The following MSL2 variants were observed in gnomAD, a reference collection of about 807,000 sequenced individuals.
The protein encoded by MSL2 is E3 ubiquitin-protein ligase MSL2.
In MSL2, 2 loss-of-function variants were observed where a neutral mutation model predicts 35.8. That is an observed-to-expected ratio of 0.06 (90% CI 0.02 to 0.18). MSL2 has a LOEUF of 0.18. Among genes scored for constraint, MSL2 ranks in the 10% least tolerant of loss-of-function variants. The pLI, the probability that MSL2 is intolerant of heterozygous loss-of-function variation, is 1.00. For synonymous variants in MSL2, 296 were observed against 255.7 expected, an observed-to-expected ratio of 1.16 and a Z score of -1.50; for missense variants, 523 against 706.7, an observed-to-expected ratio of 0.74 and a Z score of 2.95.
At position 136,159,572 on chromosome 3, in the gene MSL2, G is replaced by A. The variant is rs1203625031; in HGVS notation, c.143-6834C>T. On this transcript the variant is annotated intron_variant, in intron 1 of 1. Transcript: ENST00000309993. ...TTTTTAGTAGAGACGAGGTTTCACC[G>A]TGTTAGCCAGGATGGTCTTGATCTC... Among the ~76,000 whole-genome samples, 63 of 148,922 alleles carry A rather than the reference G, an allele frequency of 4.2e-4. 1 individual carries two copies. Among genetic ancestry groups the A allele is most frequent in the Non-Finnish European group, 6.1e-4 (41 of 67,462 alleles).
intron 1 of MSL2, chr3:136,156,129 A>G (rs1939513523): frequency 5.5e-6 from 1 of 183,308 alleles, no homozygotes; most frequent in Non-Finnish European, 1.1e-5. Context: ...TGATACATGT[A>G]ATTCTACCAA....
rs957158556 is a variant in MSL2 at position 136,151,624 on chromosome 3, A to C, written c.1257T>G (p.Ser419=). The change falls in exon 2 of 2, where the codon TCT becomes TCG. Residue 419 remains serine (S), a synonymous_variant. Coordinates refer to ENST00000309993, the MANE Select transcript of MSL2 (RefSeq NM_018133.4). This position sits in a 1 kb window ranked among gnomAD's most constrained non-coding sequence, Gnocchi z 5.2. ...GAATACCTGGCTTGGTTTTAGAGTG[A>C]GATTTCTTGGATCCATGTTCATGAC... ...KKSHEHGSKK[S]HSKTKPGILK... 1.2e-6 allele frequency: 2 copies of C among 1,614,052 alleles called. No homozygotes were observed. Among genetic ancestry groups the C allele is most frequent in the East Asian group, 4.5e-5 (2 of 44,884 alleles).
At position 136,188,131 on chromosome 3, in the gene MSL2, C is replaced by A. The variant is rs117487848; in HGVS notation, c.142+6841G>T. Among the ~76,000 whole-genome samples, 229 of 152,110 alleles carry A rather than the reference C, an allele frequency of 1.5e-3. 5 individuals are homozygous for A. The East Asian group carries it at 0.041, about 27-fold the overall frequency. ...CAAGCCAAAGGTTTTCTCCTTCAGG[C>A]CTTACTTAAAAATGTCCACTAGGCC... On this transcript the variant is annotated intron_variant, in intron 1 of 1. Transcript: ENST00000309993.
intron 1 of MSL2, among the ~76,000 whole-genome samples, chr3:136,189,125 AAAAAAAAAAAAC>A (rs1940609110): frequency 7.1e-6 from 1 of 140,650 alleles, no homozygotes; most frequent in African/African-American, 2.8e-5. Context: ...AAAAAAAAAA[AAAAAAAAAAAAC>A]ACACACACAA....
Position 136,151,897 on chromosome 3 carries a change from A to G in MSL2, c.984T>C (p.Cys328=). 6.2e-7 allele frequency: 1 copy of G among 1,614,194 alleles called. No individual in the cohort carries two copies. ...STSPALHGLS[C]TAATPKIAKL... is the part of the protein sequence containing the mutation. ...TTGCTATCTTCGGAGTTGCTGCTGTACATGATAACCCATGAAGTGCAGGAC... is the reference window on the plus strand; with the variant it reads ...TTGCTATCTTCGGAGTTGCTGCTGTGCATGATAACCCATGAAGTGCAGGAC... Residue 328 remains cysteine (C), a synonymous_variant, in exon 2 of 2, where the codon TGT becomes TGC. Coordinates refer to ENST00000309993, the MANE Select transcript of MSL2 (RefSeq NM_018133.4). This position sits in a 1 kb window ranked among gnomAD's most constrained non-coding sequence, Gnocchi z 5.2.
At chr3:136,194,643 T>A in intron 1 of MSL2, 1 of 258,426 alleles carries the variant, frequency 3.9e-6, no homozygotes, top group Non-Finnish European at 6.7e-6. Context: ...CGTAATCAGC[T>A]CCCGCGGCAA....
intron 1 of MSL2, among the ~76,000 whole-genome samples, chr3:136,160,332 A>AGGG (rs1939667986): frequency 6.6e-5 from 2 of 30,516 alleles, no homozygotes; most frequent in Non-Finnish European, 1.3e-4. Context: ...GGAAGGAGGG[A>AGGG]AGGAAGGAGG....
At chr3:136,171,617 G>A (rs970119374) in intron 1 of MSL2, among the ~76,000 whole-genome samples, 1 of 152,146 alleles carries the variant, frequency 6.6e-6, no homozygotes, top group Non-Finnish European at 1.5e-5. Context: ...CAGTAATTCT[G>A]TAACTGTCCA....
At chr3:136,162,294 G>T (rs1284971809) in intron 1 of MSL2, among the ~76,000 whole-genome samples, 1 of 151,090 alleles carries the variant, frequency 6.6e-6, no homozygotes, top group East Asian at 1.9e-4. Context: ...AAAAAAGAGG[G>T]CTACCAGGCC....
intron 1 of MSL2, among the ~76,000 whole-genome samples, chr3:136,165,675 T>C (rs910990517): frequency 2.0e-5 from 3 of 152,198 alleles, no homozygotes; most frequent in Non-Finnish European, 2.9e-5. Flanking sequence ...ATAATTCTTA[T>C]GCCACATTTA....
chr3:136,192,266 A>C (rs565665639), intron 1 of MSL2, among the ~76,000 whole-genome samples: 1 of 152,284 alleles, frequency 6.6e-6, no homozygotes, highest in Admixed American at 6.5e-5. Flanking sequence ...TCTGCCTCCC[A>C]GGTTCAAGCA....
At chr3:136,163,931 T>C (rs759870934) in intron 1 of MSL2, among the ~76,000 whole-genome samples, 1 of 152,232 alleles carries the variant, frequency 6.6e-6, no homozygotes, top group Non-Finnish European at 1.5e-5. Context: ...TCCCCAGCCA[T>C]GCTGAACTGT....
At chr3:136,173,637 C>T (rs1254959506) in intron 1 of MSL2, among the ~76,000 whole-genome samples, 2 of 152,166 alleles carry the variant, frequency 1.3e-5, no homozygotes, top group Admixed American at 6.6e-5. Flanking sequence ...TTGTTCACCC[C>T]GAATTTCGAG....
intron 1 of MSL2, among the ~76,000 whole-genome samples, chr3:136,176,197 A>G (rs1940168527): frequency 6.6e-6 from 1 of 152,210 alleles, no homozygotes; most frequent in African/African-American, 2.4e-5. Context: ...GGCATATTTT[A>G]AAGTCTAAAC....
chr3:136,186,221 G>A (rs1279156519), intron 1 of MSL2, among the ~76,000 whole-genome samples: 1 of 152,088 alleles, frequency 6.6e-6, no homozygotes, highest in Non-Finnish European at 1.5e-5. Context: ...AAACTGCCAG[G>A]TTTTGTCAGT....
intron 1 of MSL2, among the ~76,000 whole-genome samples, chr3:136,173,109 G>A (rs1559965702): frequency 6.6e-6 from 1 of 152,312 alleles, no homozygotes; most frequent in East Asian, 1.9e-4. Context: ...GTTGCAGTGA[G>A]CTGAGATCAC....
chr3:136,156,520 T>A (rs903160931), intron 1 of MSL2, among the ~76,000 whole-genome samples: 2 of 151,846 alleles, frequency 1.3e-5, no homozygotes, highest in Non-Finnish European at 2.9e-5. Context: ...AAGAATGAAG[T>A]CTCCTTAGAA....
At chr3:136,165,865 T>TAAAAGAGTATAATGGGATAACTAA (rs35168710) in intron 1 of MSL2, among the ~76,000 whole-genome samples, 1 of 151,642 alleles carries the variant, frequency 6.6e-6, no homozygotes, top group Non-Finnish European at 1.5e-5. Context: ...AATTTAAAGT[T>TAAAAGAGTATAATGGGATAACTAA]AAGAGTATAA....
At chr3:136,181,412 C>G (rs1376039722) in intron 1 of MSL2, among the ~76,000 whole-genome samples, 1 of 152,158 alleles carries the variant, frequency 6.6e-6, no homozygotes, top group Non-Finnish European at 1.5e-5. Context: ...TAATTTGTCT[C>G]ATGCTCATTT....
Sources: gnomAD v4.1 joint callset for allele counts (sites outside exome capture counted in the v4.1 genomes callset) on GRCh38, gnomAD v4.1.1 for gene constraint, Gnocchi (gnomAD v3.1) non-coding constraint, MANE v1.5 for transcripts, NCBI Gene and HGNC (gene_info 2026-07-23, HGNC 2026-07-21) for gene names.